Variants in C1GALT1 observed in about 807,000 individuals in gnomAD.
C1GALT1 encodes core 1 synthase, glycoprotein-N-acetylgalactosamine 3-beta-galactosyltransferase 1, also known as glycoprotein-N-acetylgalactosamine 3-beta-galactosyltransferase 1.
In C1GALT1, 11 loss-of-function variants were observed where a neutral mutation model predicts 31.0. The observed-to-expected ratio is 0.36, with a 90% CI of 0.22 to 0.59. The LOEUF (loss-of-function observed/expected upper bound fraction) is 0.59. Ranked by LOEUF, C1GALT1 falls within the 20% of genes least tolerant of loss-of-function variation. The pLI is 0.79. For synonymous variants in C1GALT1, 175 were observed against 143.6 expected, an observed-to-expected ratio of 1.22 and a Z score of -1.56; for missense variants, 424 against 425.2, an observed-to-expected ratio of 1.00 and a Z score of 0.03.
chr7:7,232,994 A>G (rs1263742601), intron 1 of C1GALT1, among the ~76,000 whole-genome samples: 1 of 152,240 alleles, frequency 6.6e-6, no homozygotes, highest in African/African-American at 2.4e-5. Flanking sequence ...AGCTTCTGGT[A>G]TATAATAAAT....
intron 1 of C1GALT1, among the ~76,000 whole-genome samples, chr7:7,202,233 G>T (rs1781557225): frequency 6.6e-6 from 1 of 152,108 alleles, no homozygotes; most frequent in South Asian, 2.1e-4. Flanking sequence ...TCCTTTGAAA[G>T]GTCTATGGAT....
intron 1 of C1GALT1, among the ~76,000 whole-genome samples, chr7:7,230,586 A>G (rs532925316): frequency 8.9e-4 from 111 of 125,164 alleles, no homozygotes; most frequent in African/African-American, 3.1e-3. Context: ...CCACCTTACT[A>G]TTTATTTTCT....
chr7:7,247,072 A>T lies in C1GALT1; in HGVS notation c.*3345A>T, dbSNP rs1429207153. 6.6e-6 allele frequency: 1 copy of T among 152,194 alleles called. No homozygotes were observed. The highest frequency in any genetic ancestry group is 3.2e-3 in the Middle Eastern group (1 of 316). 9.4% of individuals were successfully genotyped at this position (152,194 alleles called of 1,614,324 possible). ...ATTAAAAACATACATAAGTGTCATC[A>T]AAAAGGTCCACAATTGTTAGTAAAA... On this transcript the variant is annotated 3_prime_UTR_variant, in exon 4 of 4. Transcript: ENST00000436587.
intron 2 of C1GALT1, among the ~76,000 whole-genome samples, chr7:7,163,202 C>G (rs1348066350): frequency 6.6e-6 from 1 of 152,166 alleles, no homozygotes; most frequent in Non-Finnish European, 1.5e-5. Flanking sequence ...TTCCTATGTC[C>G]TGAATGGTAA....
At chr7:7,200,319 T>C (rs910110955) in intron 1 of C1GALT1, among the ~76,000 whole-genome samples, 1 of 152,212 alleles carries the variant, frequency 6.6e-6, no homozygotes, top group Non-Finnish European at 1.5e-5. Context: ...TGGCTGGATA[T>C]GAAATTCTGG....
intron 1 of C1GALT1, among the ~76,000 whole-genome samples, chr7:7,207,789 TG>T (rs200961901): frequency 0.042 from 6,153 of 145,722 alleles, 282 homozygotes; most frequent in African/African-American, 0.13. Flanking sequence ...TTTTTTTCTT[TG>T]TTTTTTTTTT....
At chr7:7,189,839 A>G (rs1780979836) in intron 1 of C1GALT1, among the ~76,000 whole-genome samples, 2 of 152,086 alleles carry the variant, frequency 1.3e-5, no homozygotes, top group African/African-American at 4.8e-5. Flanking sequence ...TCTTAGAAAC[A>G]TTTGAAATTG....
chr7:7,190,005 C>G (rs1480749259), intron 1 of C1GALT1, among the ~76,000 whole-genome samples: 1 of 151,858 alleles, frequency 6.6e-6, no homozygotes, highest in Non-Finnish European at 1.5e-5. Context: ...TCCATAGAGT[C>G]TTTATTTCAA....
intron 1 of C1GALT1, among the ~76,000 whole-genome samples, chr7:7,232,322 A>G (rs1266250343): frequency 1.3e-5 from 2 of 152,116 alleles, no homozygotes; most frequent in East Asian, 3.8e-4. Flanking sequence ...TTATTATTGT[A>G]GTGGTGATTG....
At chr7:7,230,595 C>G (rs1783024334) in intron 1 of C1GALT1, among the ~76,000 whole-genome samples, 1 of 126,884 alleles carries the variant, frequency 7.9e-6, no homozygotes, top group Non-Finnish European at 1.7e-5. Context: ...TATTTATTTT[C>G]TATTTGTCTC....
At chr7:7,173,304 C>T (rs1421245645) in intron 2 of C1GALT1, among the ~76,000 whole-genome samples, 1 of 151,988 alleles carries the variant, frequency 6.6e-6, no homozygotes, top group African/African-American at 2.4e-5. Flanking sequence ...GCTCTCCCTT[C>T]ACCTTCTGCC....
chr7:7,175,689 C>G (rs959351218), intron 2 of C1GALT1, among the ~76,000 whole-genome samples: 2 of 152,146 alleles, frequency 1.3e-5, no homozygotes, highest in Admixed American at 6.5e-5. Context: ...TCTGCTTGGG[C>G]TACTGTAACA....
chr7:7,214,911 A>T (rs1782163507), intron 1 of C1GALT1, among the ~76,000 whole-genome samples: 1 of 152,218 alleles, frequency 6.6e-6, no homozygotes, highest in Non-Finnish European at 1.5e-5. Flanking sequence ...TGGAGGCTAC[A>T]AGATTTTGAC....
At chr7:7,216,611 C>A (rs1562580542) in intron 1 of C1GALT1, among the ~76,000 whole-genome samples, 2 of 149,850 alleles carry the variant, frequency 1.3e-5, no homozygotes, top group East Asian at 3.9e-4. Context: ...AAGCACTTAC[C>A]CTTGAAAGAA....
intron 1 of C1GALT1, among the ~76,000 whole-genome samples, chr7:7,231,369 G>A (rs182150183): frequency 3.9e-5 from 6 of 151,916 alleles, no homozygotes; most frequent in Admixed American, 2.0e-4. Context: ...TGTCAGTTTC[G>A]GAAAATATTC....
chr7:7,163,437 T>C (rs1171086514), intron 2 of C1GALT1, among the ~76,000 whole-genome samples: 2 of 152,172 alleles, frequency 1.3e-5, no homozygotes, highest in African/African-American at 4.8e-5. Flanking sequence ...ACCACTCCTA[T>C]TCAACATATT....
chr7:7,237,245 T>TCATCTAGA (rs1425161239), intron 2 of C1GALT1, among the ~76,000 whole-genome samples: 2 of 152,246 alleles, frequency 1.3e-5, no homozygotes, highest in African/African-American at 4.8e-5. Context: ...TGGGAAGTAC[T>TCATCTAGA]CATCTAGAAT....
chr7:7,237,966 C>CGATGA (rs1783441335), intron 2 of C1GALT1, among the ~76,000 whole-genome samples: 1 of 152,134 alleles, frequency 6.6e-6, no homozygotes, highest in South Asian at 2.1e-4. Context: ...TTCTAACAGG[C>CGATGA]TCCCAGGTGA....
At chr7:7,199,706 T>G (rs1781454400) in intron 1 of C1GALT1, among the ~76,000 whole-genome samples, 2 of 152,222 alleles carry the variant, frequency 1.3e-5, no homozygotes, top group South Asian at 4.1e-4. Flanking sequence ...AGGACTTGCT[T>G]TGTGAATCTG....
Sources: allele counts gnomAD v4.1 joint callset (sites outside exome capture counted in the v4.1 genomes callset), GRCh38; gene constraint gnomAD v4.1.1; transcripts MANE v1.5; gene names NCBI Gene and HGNC (gene_info 2026-07-23, HGNC 2026-07-21).